MGST1: variants seen among roughly 807,000 people sequenced by gnomAD.
MGST1 encodes microsomal glutathione S-transferase 1.
In MGST1, 5 loss-of-function variants were observed where a neutral mutation model predicts 8.9. That is an observed-to-expected ratio of 0.56 (90% confidence interval 0.29 to 1.19). The LOEUF is 1.19. Ranked by LOEUF, MGST1 falls within the 50% of genes most tolerant of loss-of-function variation. MGST1 has a pLI of 0.08. For synonymous variants in MGST1, 54 were observed against 67.8 expected (o/e 0.80, Z 1.00); for missense variants, 182 against 187.4 (o/e 0.97, Z 0.17).
downstream of MGST1, among the ~76,000 whole-genome samples, chr12:16,381,044 GT>G (rs1442124632): frequency 6.6e-6 from 1 of 152,040 alleles, no homozygotes; most frequent in African/African-American, 2.4e-5. Context: ...GTCTCTGCAT[GT>G]GAGATGCACC....
exon 4 of MGST1, chr12:16,376,172 C>G: frequency 9.3e-7 from 1 of 1,073,904 alleles, no homozygotes; most frequent in Admixed American, 2.2e-5. Flanking sequence ...TAAAGTTTAA[C>G]TCGGCATAAC....
In MGST1 at chr12:16,576,240, A is replaced by G. The variant is rs1439016348; in HGVS notation, n.483-13288A>G. ...GCTTATAACCTTCCATAGCTCCCCTACTGTATGCAGGATAGATGCAGGGAA... is the reference window on the plus strand; with the variant it reads ...GCTTATAACCTTCCATAGCTCCCCTGCTGTATGCAGGATAGATGCAGGGAA... On this transcript the variant is annotated intron_variant and non_coding_transcript_variant, in intron 4 of 4. Coordinates refer to the MGST1 transcript ENST00000538857. The surrounding 1 kb of genome is among the most constrained non-coding windows in gnomAD (Gnocchi z 4.1). Among the ~76,000 whole-genome samples the G allele has an allele frequency of 2.0e-5, 3 of 151,968 alleles. No individual in the cohort carries two copies. Among genetic ancestry groups the G allele is most frequent in the Non-Finnish European group, 1.5e-5 (1 of 67,992 alleles).
chr12:16,513,937 A>C lies in MGST1; in HGVS notation n.483-75591A>C. The C allele has an allele frequency of 1.8e-6, 1 of 540,816 alleles. No individual in the cohort carries two copies. The highest frequency in any genetic ancestry group is 3.6e-6 in the Non-Finnish European group (1 of 280,396). The allele number at this position is 540,816 out of a possible 1,614,324, so 33.5% of individuals were successfully genotyped here. ...AGGTTATCGATACTATGACCGCAAGACTTGCGGTTTTGACTTCACAGACAC... is the reference window on the plus strand; with the variant it reads ...AGGTTATCGATACTATGACCGCAAGCCTTGCGGTTTTGACTTCACAGACAC... On this transcript the variant is annotated intron_variant and non_coding_transcript_variant, in intron 4 of 4. Transcript: ENST00000538857. This position sits in a 1 kb window ranked among gnomAD's most constrained non-coding sequence, Gnocchi z 4.2.
intron 4 of MGST1, among the ~76,000 whole-genome samples, chr12:16,469,550 T>C (rs1402593253): frequency 1.3e-5 from 2 of 152,204 alleles, no homozygotes; most frequent in Non-Finnish European, 2.9e-5. Context: ...TGTCTTCTAC[T>C]ATGATTGTGA....
At chr12:16,436,293 C>T (rs1940986402) in intron 1 of MGST1, among the ~76,000 whole-genome samples, 1 of 151,852 alleles carries the variant, frequency 6.6e-6, no homozygotes, top group Non-Finnish European at 1.5e-5. Flanking sequence ...ACAAGGCAGG[C>T]CCTGTCCTCA....
intron 1 of MGST1, among the ~76,000 whole-genome samples, chr12:16,430,959 G>A (rs1284963887): frequency 2.0e-5 from 3 of 152,182 alleles, no homozygotes; most frequent in African/African-American, 7.2e-5. Flanking sequence ...ATCTACAGTA[G>A]CCAACTTTAT....
At chr12:16,432,021 T>G (rs1451013708) in intron 1 of MGST1, among the ~76,000 whole-genome samples, 1 of 152,194 alleles carries the variant, frequency 6.6e-6, no homozygotes, top group Non-Finnish European at 1.5e-5. Context: ...TTTTAAATAT[T>G]TGACTGGTCC....
intron 4 of MGST1, among the ~76,000 whole-genome samples, chr12:16,581,290 T>G (rs1943150187): frequency 6.6e-6 from 1 of 152,136 alleles, no homozygotes; most frequent in African/African-American, 2.4e-5. Context: ...GAATCCTAGC[T>G]CCATCACTTG....
At chr12:16,479,428 G>A (rs1156415276) in intron 4 of MGST1, among the ~76,000 whole-genome samples, 1 of 151,122 alleles carries the variant, frequency 6.6e-6, no homozygotes, top group Non-Finnish European at 1.5e-5. Flanking sequence ...TAGAGACAGG[G>A]TTTCACCGCA....
intron 4 of MGST1, among the ~76,000 whole-genome samples, chr12:16,535,622 G>A (rs1345091380): frequency 1.3e-5 from 2 of 152,184 alleles, no homozygotes; most frequent in East Asian, 3.9e-4. Flanking sequence ...AATTAGTAAA[G>A]TTGCAGTTTT....
intron 4 of MGST1, among the ~76,000 whole-genome samples, chr12:16,533,750 A>C (rs1012986880): frequency 6.6e-6 from 1 of 151,802 alleles, no homozygotes; most frequent in East Asian, 1.9e-4. Flanking sequence ...TTTGTGATCA[A>C]TTACTCACAG....
intron 1 of MGST1, among the ~76,000 whole-genome samples, chr12:16,406,237 T>A (rs1205595758): frequency 6.6e-6 from 1 of 152,126 alleles, no homozygotes; most frequent in Non-Finnish European, 1.5e-5. Flanking sequence ...AAAATCAATA[T>A]ACAAAAATCA....
At chr12:16,493,472 G>A (rs917452707) in intron 4 of MGST1, among the ~76,000 whole-genome samples, 2 of 152,092 alleles carry the variant, frequency 1.3e-5, no homozygotes, top group South Asian at 2.1e-4. Context: ...GACTCTCCAA[G>A]TAATTCTGAT....
intron 1 of MGST1, among the ~76,000 whole-genome samples, chr12:16,419,956 G>A (rs1446614309): frequency 6.6e-6 from 1 of 152,166 alleles, no homozygotes; most frequent in Non-Finnish European, 1.5e-5. Context: ...GGCAGCCGAT[G>A]AAGGCTGACT....
At chr12:16,518,109 A>T (rs1299853071) in intron 4 of MGST1, among the ~76,000 whole-genome samples, 1 of 152,180 alleles carries the variant, frequency 6.6e-6, no homozygotes, top group Non-Finnish European at 1.5e-5. Flanking sequence ...CTTAATTTTT[A>T]AAAAATATTT....
At chr12:16,429,389 C>T (rs993466233) in intron 1 of MGST1, among the ~76,000 whole-genome samples, 2 of 152,030 alleles carry the variant, frequency 1.3e-5, no homozygotes, top group African/African-American at 4.8e-5. Flanking sequence ...ATTCTCCTTT[C>T]CTTTTTCGTT....
At chr12:16,527,827 T>C (rs904796594) in intron 4 of MGST1, among the ~76,000 whole-genome samples, 1 of 152,006 alleles carries the variant, frequency 6.6e-6, no homozygotes, top group Non-Finnish European at 1.5e-5. Context: ...GAAACTGAAG[T>C]AGCCTTTATT....
intron 4 of MGST1, among the ~76,000 whole-genome samples, chr12:16,509,993 A>G (rs1289201033): frequency 6.6e-6 from 1 of 152,236 alleles, no homozygotes; most frequent in Non-Finnish European, 1.5e-5. Flanking sequence ...ATGAAATTTT[A>G]TAAGAATTAA....
intron 1 of MGST1, chr12:16,402,003 T>C (rs1015103507): frequency 6.2e-7 from 1 of 1,611,276 alleles, no homozygotes; most frequent in African/African-American, 1.3e-5. Flanking sequence ...AGGGAATTTG[T>C]CTTTGCTGAA....
Sources: allele counts gnomAD v4.1 joint callset (sites outside exome capture counted in the v4.1 genomes callset), GRCh38; gene constraint gnomAD v4.1.1; non-coding constraint Gnocchi (gnomAD v3.1); transcripts MANE v1.5; gene names NCBI Gene and HGNC (gene_info 2026-07-23, HGNC 2026-07-21).